The following FLNA variants were observed in gnomAD, a reference collection of about 807,000 sequenced individuals.
FLNA encodes filamin A.
Under a neutral mutation model 157.6 loss-of-function variants are expected in FLNA, and 7 were observed. The observed-to-expected ratio is 0.04, with a 90% CI of 0.03 to 0.08. FLNA has a LOEUF of 0.08. FLNA is among the 10% of genes least tolerant of loss of function. The pLI is 1.00. For synonymous variants in FLNA, 1,103 were observed against 1,060.8 expected, an observed-to-expected ratio of 1.04 and a Z score of -0.77; for missense variants, 1,750 against 2,398.4, an observed-to-expected ratio of 0.73 and a Z score of 5.65.
chrX:154,372,940 T>C (rs1270740131), intron 1 of FLNA, among the ~76,000 whole-genome samples: 1 of 112,155 alleles, frequency 8.9e-6, no homozygotes, highest in African/African-American at 3.2e-5. Context: ...CGGGGCAGCC[T>C]GTGGCCCCAC....
At chrX:154,350,459 TAA>T (rs1557175511) in intron 44 of FLNA, 51 of 428,712 alleles carry the variant, frequency 1.2e-4, no homozygotes, top group African/African-American at 1.2e-3. Context: ...TGCTGCCTCC[TAA>T]GAAAGGTTAC....
rs782548072 is a variant in FLNA, at chrX:154,354,862, C to G, written c.5180G>C (p.Gly1727Ala). ...PGKYVICVRF[G>A]GEHVPNSPFQ... Reference sequence around the variant, plus strand: ...GGGGCTGTTGGGCACGTGCTCGCCACCAAAGCGCACACAGATGACGTATTT... The same window carrying G: ...GGGGCTGTTGGGCACGTGCTCGCCAGCAAAGCGCACACAGATGACGTATTT... Residue 1727 changes from glycine (G) to alanine (A), a missense_variant, in exon 31 of 48, where the codon GGT becomes GCT. Gly to Ala is a moderately conservative substitution (Grantham distance 60, BLOSUM62 0). Around this residue, in one of 5 missense-constraint regions of FLNA, gnomAD observed 970 missense variants for 1,302.6 expected, o/e 0.74. Coordinates refer to ENST00000369850, the MANE Select transcript of FLNA (RefSeq NM_001110556.2). 1 of 1,211,038 alleles carries G rather than the reference C, an allele frequency of 8.3e-7. No individual in the cohort carries two copies. Among genetic ancestry groups the G allele is most frequent in the African/African-American group, 1.7e-5 (1 of 57,619 alleles).
In FLNA at chrX:154,369,185, C is replaced by T. The variant is rs782554529; in HGVS notation, c.374-1095G>A. Among the ~76,000 whole-genome samples, 4 of 112,839 alleles carry T rather than the reference C, an allele frequency of 3.5e-5. No homozygotes were observed. The South Asian group carries it at 1.1e-3, about 30-fold the overall frequency. On this transcript the variant is annotated intron_variant, in intron 2 of 47. Transcript: ENST00000369850. ...GCAGCACCTGGAGGGCCAGGTGAGC[C>T]GCTCAGAGTGGCCTCCCCAGTTCCC...
rs782018054 is a variant in FLNA, at chrX:154,358,518, C to A, written c.4525G>T (p.Val1509Phe). ...CCTTCTCGGCTGGGCACATAATTGA[C>A]GGTCTGGGTGCCATCAGCGTTGTCT... ...VVDNADGTQT[V>F]NYVPSREGPY... Residue 1509 changes from valine to phenylalanine, a missense_variant, in exon 27 of 48, where the codon GTC becomes TTC. Transcript: ENST00000369850. 1.7e-6 allele frequency: 2 copies of A among 1,207,619 alleles called. No homozygotes were observed. Among genetic ancestry groups the A allele is most frequent in the Non-Finnish European group, 2.2e-6 (2 of 893,455 alleles).
rs1248046981 is a variant in FLNA, at chrX:154,349,412, T to G, written c.7706A>C (p.Lys2569Thr). 8.3e-7 allele frequency: 1 copy of G among 1,211,238 alleles called. No individual in the cohort carries two copies. The highest frequency in any genetic ancestry group is 1.1e-6 in the Non-Finnish European group (1 of 895,366). ...KVVAKGLGLS[K>T]AYVGQKSSFT... Reference sequence around the variant, plus strand: ...GCTGCTCTTCTGGCCTACGTAGGCCTTGCTCAGCCCCAGGCCCTTGGCCAC... The same window carrying G: ...GCTGCTCTTCTGGCCTACGTAGGCCGTGCTCAGCCCCAGGCCCTTGGCCAC... The change falls in exon 47 of 48, where the codon AAG becomes ACG. Residue 2569 changes from lysine to threonine, a missense_variant. Lys to Thr is a moderately conservative substitution (Grantham distance 78). Around this residue, in one of 5 missense-constraint regions of FLNA, gnomAD observed 970 missense variants for 1,302.6 expected, o/e 0.74. Coordinates refer to ENST00000369850, the MANE Select transcript of FLNA (RefSeq NM_001110556.2).
intron 2 of FLNA, among the ~76,000 whole-genome samples, chrX:154,368,426 A>T (rs2067779674): frequency 8.9e-6 from 1 of 112,378 alleles, no homozygotes; most frequent in African/African-American, 3.2e-5. Flanking sequence ...ACAGCTGGAC[A>T]GTGTCCACAG....
intron 2 of FLNA, among the ~76,000 whole-genome samples, chrX:154,368,450 G>T (rs897523011): frequency 5.3e-5 from 6 of 112,429 alleles, no homozygotes; most frequent in Admixed American, 2.8e-4. Context: ...CCAGAGCAGG[G>T]GTCCGCCACA....
At position 154,355,092 on chromosome X, in the gene FLNA, C is replaced by G. The variant is rs1387095399; in HGVS notation, c.4970-20G>C. On this transcript the variant is annotated intron_variant, in intron 30 of 47. Coordinates refer to ENST00000369850, the MANE Select transcript of FLNA (RefSeq NM_001110556.2). The stretch of plus-strand genomic sequence containing the variant: ...CAGCACCTGGTGGGGCAGGGTGGGT[C>G]CCCAAAGGGGGGCCAGCGTGTGAGC... 3 of 1,195,611 alleles carry G rather than the reference C, an allele frequency of 2.5e-6. No individual in the cohort carries two copies. Among genetic ancestry groups the G allele is most frequent in the Non-Finnish European group, 3.4e-6 (3 of 885,181 alleles).
chrX:154,362,170 T>C lies in FLNA; in HGVS notation c.2657-22A>G, dbSNP rs368856345. On this transcript the variant is annotated intron_variant, in intron 18 of 47. Transcript: ENST00000369850. ...ACACCTGAGGAACACACAGGGACCA[T>C]GTAGGGGCACCCTGCCCCAAGCCCT... The C allele has an allele frequency of 3.5e-5, 42 of 1,208,638 alleles. 1 individual carries two copies. In the Admixed American group the frequency reaches 4.4e-4, roughly 13 times the overall value.
rs375905650 is a variant in FLNA at position 154,362,163 on chromosome X, G to A, written c.2657-15C>T. On this transcript the variant is annotated splice_polypyrimidine_tract_variant and intron_variant, in intron 18 of 47. Transcript: ENST00000369850. Reference sequence around the variant, plus strand: ...AAGCTCGACACCTGAGGAACACACAGGGACCATGTAGGGGCACCCTGCCCC... The same window carrying A: ...AAGCTCGACACCTGAGGAACACACAAGGACCATGTAGGGGCACCCTGCCCC... 17 of 1,211,372 alleles carry A rather than the reference G, an allele frequency of 1.4e-5. No individual in the cohort carries two copies. The highest frequency in any genetic ancestry group is 3.0e-5 in the East Asian group (1 of 33,853).
rs1420871440 is a variant in FLNA at position 154,374,579 on chromosome X, C to A, written c.-190G>T. The A allele has an allele frequency of 1.8e-5, 2 of 112,185 alleles. No homozygotes were observed. Among genetic ancestry groups the A allele is most frequent in the Non-Finnish European group, 3.8e-5 (2 of 52,691 alleles). The allele number at this position is 112,185 out of a possible 1,213,427, so 9.2% of individuals were successfully genotyped here. A position where few individuals can be genotyped will look rare whatever the true frequency, so the allele number is the denominator to read the frequency against. On this transcript the variant is annotated 5_prime_UTR_variant, in exon 1 of 48. Transcript: ENST00000369850. The stretch of plus-strand genomic sequence containing the variant: ...CGGATCGCCTTCGCGCCCGCGCCCG[C>A]GCCAGGCGCCTCGGGGATTCTGTCG...
Position 154,351,712 on chromosome X carries a change from G to A in FLNA, c.6908-16C>T, listed in dbSNP as rs782815909. On this transcript the variant is annotated splice_polypyrimidine_tract_variant and intron_variant, in intron 42 of 47. Transcript: ENST00000369850. ...TCGTAGTCACCTGGGCAGGGAAAGAGTGTAAGACCGGCTCATCAGCCTTTG... is the reference window on the plus strand; with the variant it reads ...TCGTAGTCACCTGGGCAGGGAAAGAATGTAAGACCGGCTCATCAGCCTTTG... 50 of 1,146,925 alleles carry A rather than the reference G, an allele frequency of 4.4e-5. No individual in the cohort carries two copies. The highest frequency in any genetic ancestry group is 5.8e-5 in the Non-Finnish European group (49 of 837,618). The allele number at this position is 1,146,925 out of a possible 1,213,427, so 94.5% of individuals were successfully genotyped here. A position where few individuals can be genotyped will look rare whatever the true frequency, so the allele number is the denominator to read the frequency against.
Position 154,354,879 on chromosome X carries a change from G to T in FLNA, c.5163C>A (p.Val1721=). 1 of 1,212,085 alleles carries T rather than the reference G, an allele frequency of 8.3e-7. No individual in the cohort carries two copies. The highest frequency in any genetic ancestry group is 1.1e-6 in the Non-Finnish European group (1 of 895,630). Residue 1721 remains valine, a synonymous_variant, in exon 31 of 48, where the codon GTC becomes GTA. Transcript: ENST00000369850. ...GCTCGCCACCAAAGCGCACACAGAT[G>T]ACGTATTTGCCCGGCTGGGGGGCCG... ...FYTAPQPGKY[V]ICVRFGGEHV...
At chrX:154,350,340 C>T in intron 44 of FLNA, 133 bp from the exon 45 acceptor site, 2 of 564,781 alleles carry the variant, frequency 3.5e-6, no homozygotes, top group Non-Finnish European at 5.9e-6. Context: ...CCACGCTGGG[C>T]ACCTGCACCC....
intron 30 of FLNA, among the ~76,000 whole-genome samples, chrX:154,356,069 G>T (rs1359759531): frequency 8.9e-6 from 1 of 112,527 alleles, no homozygotes; most frequent in Non-Finnish European, 1.9e-5. Context: ...AGACCTGGCT[G>T]CCGGCTGCCC....
At chrX:154,351,744 C>A (rs782614991) in intron 42 of FLNA, 48 bp from the exon 43 acceptor site, 3 of 1,113,082 alleles carry the variant, frequency 2.7e-6, no homozygotes, top group South Asian at 3.7e-5. Context: ...TTTGGGCCTC[C>A]CACCTCCCAC....
Position 154,362,103 on chromosome X carries a change from G to C in FLNA, c.2702C>G (p.Ala901Gly). The change falls in exon 19 of 48, where the codon GCT becomes GGT. Residue 901 changes from alanine (A) to glycine (G), a missense_variant. Ala to Gly is a moderately conservative substitution (Grantham distance 60, BLOSUM62 0). Around this residue, in one of 5 missense-constraint regions of FLNA, gnomAD observed 648 missense variants for 805.8 expected, o/e 0.80. Transcript: ENST00000369850. ...GACGTCCAGCTTGCCTTTGCCAGCAGCTTTGGCATTTACTGTGAAGTGGGT... is the reference window on the plus strand; with the variant it reads ...GACGTCCAGCTTGCCTTTGCCAGCACCTTTGGCATTTACTGTGAAGTGGGT... ...KPTHFTVNAKAAGKGKLDVQF... is the reference protein window; with the variant it reads ...KPTHFTVNAKGAGKGKLDVQF... 2 of 1,211,779 alleles carry C rather than the reference G, an allele frequency of 1.7e-6. No individual in the cohort carries two copies. Among genetic ancestry groups the C allele is most frequent in the Non-Finnish European group, 2.2e-6 (2 of 895,371 alleles).
In FLNA at chrX:154,358,138, C is replaced by T. The variant is rs781826012; in HGVS notation, c.4755+61G>A. On this transcript the variant is annotated intron_variant, in intron 28 of 47. Coordinates refer to ENST00000369850, the MANE Select transcript of FLNA (RefSeq NM_001110556.2). Reference sequence around the variant, plus strand: ...GCAGGGAGATCAGACACCAGCCACCCGCAGCCCACACTCCAGCCGCCCAGG... The same window carrying T: ...GCAGGGAGATCAGACACCAGCCACCTGCAGCCCACACTCCAGCCGCCCAGG... The T allele has an allele frequency of 2.9e-4, 335 of 1,156,378 alleles. No individual in the cohort carries two copies. In the African/African-American group the frequency reaches 3.5e-3, roughly 12 times the overall value.
At position 154,351,562 on chromosome X, in the gene FLNA, G is replaced by C. The variant is rs1349672878; in HGVS notation, c.7023+19C>G. On this transcript the variant is annotated intron_variant, in intron 43 of 47. Transcript: ENST00000369850. ...CGGGCCCAGGAGCCCCAGGTGGGCG[G>C]TTTCTCTCGGTGCCTCACCTGAAGG... The C allele has an allele frequency of 1.8e-6, 2 of 1,129,499 alleles. No homozygotes were observed. The highest frequency in any genetic ancestry group is 2.2e-5 in the Admixed American group (1 of 45,949). The allele number at this position is 1,129,499 out of a possible 1,213,427, so 93.1% of individuals were successfully genotyped here.
Sources: gnomAD v4.1 joint callset for allele counts (sites outside exome capture counted in the v4.1 genomes callset) on GRCh38, gnomAD v4.1.1 for gene constraint, gnomAD v4.1.1 regional missense constraint, MANE v1.5 for transcripts, NCBI Gene and HGNC (gene_info 2026-07-23, HGNC 2026-07-21) for gene names.